The following CTIF variants were observed in gnomAD, a reference collection of about 807,000 sequenced individuals.
CTIF encodes cap binding complex dependent translation initiation factor.
A neutral mutation model predicts 66.0 loss-of-function variants in CTIF; 21 were observed. The ratio of observed to expected loss-of-function variants is 0.32; its 90% CI spans 0.23 to 0.46. CTIF has a LOEUF of 0.46. Among genes scored for constraint, CTIF ranks in the 20% least tolerant of loss-of-function variants. The probability of loss-of-function intolerance (pLI) is 1.00; values close to 1 mark genes in which losing one functional copy is unlikely to be tolerated. For synonymous variants in CTIF, 345 were observed against 326.4 expected (o/e 1.06, Z -0.62); for missense variants, 739 against 812.7 (o/e 0.91, Z 1.10).
chr18:48,847,914 G>A (rs2069115353), intron 10 of CTIF, among the ~76,000 whole-genome samples: 1 of 152,102 alleles, frequency 6.6e-6, no homozygotes, highest in Admixed American at 6.5e-5. Context: ...GACATAATTG[G>A]CCCTTTTCTT....
At chr18:48,651,655 G>C (rs536740592) in intron 3 of CTIF, among the ~76,000 whole-genome samples, 1 of 152,314 alleles carries the variant, frequency 6.6e-6, no homozygotes, top group South Asian at 2.1e-4. Flanking sequence ...CAAGTCAACA[G>C]AATATACATT....
intron 1 of CTIF, among the ~76,000 whole-genome samples, chr18:48,618,566 G>A (rs369640849): frequency 1.1e-4 from 16 of 152,338 alleles, no homozygotes; most frequent in African/African-American, 3.4e-4. Flanking sequence ...TCCCTGGCCT[G>A]GAGGTGAGAA....
At chr18:48,550,845 C>T (rs957250180) in intron 1 of CTIF, among the ~76,000 whole-genome samples, 2 of 152,136 alleles carry the variant, frequency 1.3e-5, no homozygotes, top group Non-Finnish European at 2.9e-5. Flanking sequence ...AGGCAAGATA[C>T]ATATTTCTAG....
chr18:48,798,783 AT>A (rs2067986236), intron 9 of CTIF, among the ~76,000 whole-genome samples: 1 of 152,124 alleles, frequency 6.6e-6, no homozygotes, highest in Admixed American at 6.5e-5. Context: ...ACCAGGAGTG[AT>A]TTTGCCTCCA....
chr18:48,664,909 C>CTTTTTTT (rs368586647), intron 5 of CTIF, among the ~76,000 whole-genome samples: 1 of 62,130 alleles, frequency 1.6e-5, no homozygotes, highest in African/African-American at 4.3e-5. Flanking sequence ...GTGTTTCTTT[C>CTTTTTTT]TTTTTTTTTT....
chr18:48,755,492 C>G (rs1244684484), intron 7 of CTIF, among the ~76,000 whole-genome samples: 3 of 152,202 alleles, frequency 2.0e-5, no homozygotes, highest in Admixed American at 6.5e-5. Flanking sequence ...GAACCTGACT[C>G]AAGGGCCCCA....
chr18:48,662,823 A>G (rs548796863), intron 3 of CTIF, among the ~76,000 whole-genome samples: 4 of 151,740 alleles, frequency 2.6e-5, no homozygotes, highest in Admixed American at 6.6e-5. Context: ...ATATTGCTGC[A>G]TGTTATTTTA....
intron 9 of CTIF, among the ~76,000 whole-genome samples, chr18:48,800,604 C>A (rs980224427): frequency 2.0e-5 from 3 of 152,234 alleles, no homozygotes; most frequent in African/African-American, 7.2e-5. Flanking sequence ...GATAACCCCC[C>A]ACACACCCAT....
intron 7 of CTIF, among the ~76,000 whole-genome samples, chr18:48,741,275 C>CA (rs1491199901): frequency 1.7e-4 from 15 of 85,968 alleles, no homozygotes; most frequent in Non-Finnish European, 3.1e-4. Context: ...CTTTACTCTG[C>CA]CCCCGCCCCC....
chr18:48,571,773 A>G (rs2089421097), intron 1 of CTIF, among the ~76,000 whole-genome samples: 1 of 151,982 alleles, frequency 6.6e-6, no homozygotes, highest in Non-Finnish European at 1.5e-5. Context: ...TCAAAGGCAA[A>G]TCACTCTTGG....
intron 3 of CTIF, among the ~76,000 whole-genome samples, chr18:48,651,496 G>C (rs764650574): frequency 1.3e-5 from 2 of 151,496 alleles, no homozygotes; most frequent in Non-Finnish European, 3.0e-5. Flanking sequence ...CTCCCACTTA[G>C]ACTCCCACAC....
intron 1 of CTIF, among the ~76,000 whole-genome samples, chr18:48,569,371 GAGAA>G (rs776322901): frequency 1.1e-4 from 16 of 151,812 alleles, no homozygotes; most frequent in Non-Finnish European, 1.8e-4. Context: ...GGGCCCCACT[GAGAA>G]AGATGACAAG....
chr18:48,573,974 G>A (rs1338443616), intron 1 of CTIF, among the ~76,000 whole-genome samples: 1 of 152,232 alleles, frequency 6.6e-6, no homozygotes. Context: ...CCCCAGCAGT[G>A]CTTGGCCATA....
At chr18:48,541,599 T>C (rs1345339369) in intron 1 of CTIF, among the ~76,000 whole-genome samples, 1 of 152,066 alleles carries the variant, frequency 6.6e-6, no homozygotes. Context: ...GAACAGACGC[T>C]AGAGGATGGC....
intron 7 of CTIF, among the ~76,000 whole-genome samples, chr18:48,753,636 G>GT (rs930372981): frequency 5.9e-4 from 90 of 152,170 alleles, no homozygotes; most frequent in African/African-American, 2.0e-3. Flanking sequence ...AACAGCAGGT[G>GT]TTGCCAGTAG....
rs1598988366 is a variant in CTIF, at chr18:48,758,294, G to A, written c.960G>A (p.Glu320=). 3 of 1,613,434 alleles carry A rather than the reference G, an allele frequency of 1.9e-6. No individual in the cohort carries two copies. The East Asian group carries it at 6.7e-5, about 36-fold the overall frequency. The change falls in exon 8 of 12, where the codon GAG becomes GAA. Residue 320 remains glutamate, a synonymous_variant. Transcript: ENST00000256413. Reference sequence around the variant, plus strand: ...CCCCACAGCAGTCAGGGGGGCCAGAGGTTGAGACAAAACGTAAAGACAGTA... The same window carrying A: ...CCCCACAGCAGTCAGGGGGGCCAGAAGTTGAGACAAAACGTAAAGACAGTA... The part of the protein sequence containing the change: ...RLPPQQSGGP[E]VETKRKDSIL...
At chr18:48,594,271 A>C (rs1215251159) in intron 1 of CTIF, among the ~76,000 whole-genome samples, 1 of 152,018 alleles carries the variant, frequency 6.6e-6, no homozygotes, top group Non-Finnish European at 1.5e-5. Flanking sequence ...AATACTCCAT[A>C]GTCACTGTTT....
chr18:48,596,880 T>C (rs1175141913), intron 1 of CTIF, among the ~76,000 whole-genome samples: 1 of 152,198 alleles, frequency 6.6e-6, no homozygotes, highest in Non-Finnish European at 1.5e-5. Context: ...AGGTACATTT[T>C]CTCCCCCAGT....
At position 48,617,177 on chromosome 18, in the gene CTIF, G is replaced by C. The variant is rs1438335300; in HGVS notation, c.-28-2361G>C. Reference sequence around the variant, plus strand: ...CCACTTCCTTGCCAGTTGTTGACCAGGGATTGCTCTCAACTACTAGAGGCT... The same window carrying C: ...CCACTTCCTTGCCAGTTGTTGACCACGGATTGCTCTCAACTACTAGAGGCT... On this transcript the variant is annotated intron_variant, in intron 1 of 11. Transcript: ENST00000256413. Among the ~76,000 whole-genome samples, 3 of 152,294 alleles carry C rather than the reference G, an allele frequency of 2.0e-5. No homozygotes were observed. In the East Asian group the frequency reaches 5.8e-4, roughly 29 times the overall value.
Sources: gnomAD v4.1 joint callset for allele counts (sites outside exome capture counted in the v4.1 genomes callset) on GRCh38, gnomAD v4.1.1 for gene constraint, MANE v1.5 for transcripts, NCBI Gene and HGNC (gene_info 2026-07-23, HGNC 2026-07-21) for gene names.